Variants in DST observed in about 807,000 individuals in gnomAD.
The protein encoded by DST is bullous pemphigoid antigen.
A neutral mutation model predicts 875.2 loss-of-function variants in DST; 253 were observed. That is an observed-to-expected ratio of 0.29 (90% CI 0.26 to 0.32). The LOEUF (loss-of-function observed/expected upper bound fraction) is 0.32. Ranked by LOEUF, DST falls within the 10% of genes least tolerant of loss-of-function variation. DST has a pLI of 1.00. For synonymous variants in DST, 3,124 were observed against 3,197.1 expected, an observed-to-expected ratio of 0.98 and a Z score of 0.77; for missense variants, 8,287 against 9,111.6, an observed-to-expected ratio of 0.91 and a Z score of 3.68.
chr6:56,494,100 G>T lies in DST; in HGVS notation c.20304C>A (p.Cys6768Ter). ...CAATATTTGTCTCTGCAGATTTTGGGCATCTTGCAAGCATCTGCTGGCCTT... is the reference window on the plus strand; with the variant it reads ...CAATATTTGTCTCTGCAGATTTTGGTCATCTTGCAAGCATCTGCTGGCCTT... ...MQKGQQMLAR[C>*]PKSAETNIDQ... Residue 6768 changes from cysteine (C) to a stop codon, truncating the protein, a stop_gained, in exon 83 of 104, where the codon TGC (cysteine) becomes TGA (stop). Coordinates refer to ENST00000680361, the MANE Select transcript of DST (RefSeq NM_001374736.1). LOFTEE classifies it high-confidence loss of function. The T allele has an allele frequency of 6.2e-7, 1 of 1,610,202 alleles. No individual in the cohort carries two copies. The highest frequency in any genetic ancestry group is 1.1e-5 in the South Asian group (1 of 90,418).
At chr6:56,599,998 C>T in intron 45 of DST, 71 bp downstream of exon 45, 3 of 1,396,780 alleles carry the variant, frequency 2.1e-6, no homozygotes, top group Non-Finnish European at 2.9e-6. Flanking sequence ...CAATAATCTT[C>T]ACTGACTTCC....
chr6:56,890,685 A>C (rs1191957224), intron 3 of DST, among the ~76,000 whole-genome samples: 1 of 152,224 alleles, frequency 6.6e-6, no homozygotes, highest in African/African-American at 2.4e-5. Flanking sequence ...AGGTTAAAAC[A>C]GCTAAGGATG....
At chr6:56,464,656 G>C in intron 100 of DST, 29 bp downstream of exon 100, 1 of 1,473,866 alleles carries the variant, frequency 6.8e-7, no homozygotes, top group Non-Finnish European at 9.4e-7. Flanking sequence ...AAAGGAAAGA[G>C]GGGAGAGGCA....
At chr6:56,928,177 T>G (rs9475754) in intron 2 of DST, among the ~76,000 whole-genome samples, 2 of 150,904 alleles carry the variant, frequency 1.3e-5, no homozygotes, top group African/African-American at 2.4e-5. Flanking sequence ...AATAAATACA[T>G]AAAGCTGAGG....
At chr6:56,510,363 T>A (rs1015922725) in intron 73 of DST, among the ~76,000 whole-genome samples, 1 of 152,148 alleles carries the variant, frequency 6.6e-6, no homozygotes, top group Non-Finnish European at 1.5e-5. Context: ...TTGATTAGAT[T>A]CCAGGGAATC....
chr6:56,794,991 T>G (rs1288183227), intron 4 of DST, among the ~76,000 whole-genome samples: 1 of 152,148 alleles, frequency 6.6e-6, no homozygotes, highest in Non-Finnish European at 1.5e-5. Flanking sequence ...AATTAGCTTT[T>G]AAACATAAAT....
intron 10 of DST, among the ~76,000 whole-genome samples, chr6:56,664,233 A>T (rs553253996): frequency 6.6e-6 from 1 of 152,208 alleles, no homozygotes; most frequent in African/African-American, 2.4e-5. Flanking sequence ...GTTTGCACAC[A>T]GAGCAATGTT....
At chr6:56,694,052 TAC>T (rs1032925093) in intron 9 of DST, among the ~76,000 whole-genome samples, 2 of 149,310 alleles carry the variant, frequency 1.3e-5, no homozygotes, top group Non-Finnish European at 3.0e-5. Context: ...TATATATATA[TAC>T]ATATATATAT....
intron 45 of DST, 65 bp from the exon 46 acceptor site, chr6:56,598,774 G>T: frequency 1.0e-6 from 1 of 1,003,310 alleles, no homozygotes; most frequent in Non-Finnish European, 1.4e-6. Context: ...TTCCAGAGTT[G>T]TAATTCTAAA....
intron 5 of DST, among the ~76,000 whole-genome samples, chr6:56,721,187 G>A (rs2152911290): frequency 1.1e-5 from 1 of 92,268 alleles, no homozygotes; most frequent in South Asian, 2.4e-4. Flanking sequence ...GCCGGGCGGG[G>A]GTGCGCCCCC....
intron 9 of DST, among the ~76,000 whole-genome samples, chr6:56,699,421 G>A (rs2099281132): frequency 1.3e-5 from 2 of 152,192 alleles, no homozygotes; most frequent in South Asian, 4.1e-4. Flanking sequence ...TTCCAACTCT[G>A]AGATAACAGA....
At chr6:56,688,667 C>T (rs2099204881) in intron 9 of DST, among the ~76,000 whole-genome samples, 1 of 152,202 alleles carries the variant, frequency 6.6e-6, no homozygotes, top group Admixed American at 6.5e-5. Context: ...AGAGTCACCA[C>T]ATGGTTTGCT....
chr6:56,718,136 T>C (rs1485750995), intron 5 of DST, among the ~76,000 whole-genome samples: 1 of 152,078 alleles, frequency 6.6e-6, no homozygotes. Context: ...TCCAGCTACT[T>C]GGGAGGCTAT....
rs184919378 is a variant in DST, at chr6:56,685,237, T to G, written c.1047+14416A>C. 2.6e-5 allele frequency among the ~76,000 whole-genome samples: 4 copies of G among 152,246 alleles called. No homozygotes were observed. In the East Asian group the frequency reaches 7.7e-4, roughly 29 times the overall value. On this transcript the variant is annotated intron_variant, in intron 9 of 103. Coordinates refer to ENST00000680361, the MANE Select transcript of DST (RefSeq NM_001374736.1). ...TAACCTGGAATAAATATTTGCAGAC[T>G]ATGCATCTGAAAAAGAACTAATACC...
intron 4 of DST, among the ~76,000 whole-genome samples, chr6:56,779,324 T>C (rs1238845022): frequency 1.3e-5 from 2 of 152,008 alleles, no homozygotes; most frequent in Non-Finnish European, 2.9e-5. Flanking sequence ...ATTTCTCCCA[T>C]TCTGTAGGTT....
intron 36 of DST, chr6:56,617,520 A>G: frequency 1.7e-6 from 2 of 1,142,986 alleles, no homozygotes; most frequent in African/African-American, 1.5e-5. Context: ...CAAAGACAAG[A>G]TTAGTGAAAA....
chr6:56,899,500 C>T (rs921591563), intron 3 of DST, among the ~76,000 whole-genome samples: 3 of 152,184 alleles, frequency 2.0e-5, no homozygotes, highest in African/African-American at 7.2e-5. Context: ...GTTACCCCCA[C>T]AGAAGGGCAG....
chr6:56,819,534 C>T (rs182965055), intron 4 of DST, among the ~76,000 whole-genome samples: 166 of 152,248 alleles, frequency 1.1e-3, no homozygotes, highest in African/African-American at 3.8e-3. Context: ...CCTCTTCATC[C>T]TTGTTTGAAC....
chr6:56,471,991 C>A, intron 94 of DST, 68 bp downstream of exon 94: 1 of 1,505,178 alleles, frequency 6.6e-7, no homozygotes, highest in Admixed American at 1.7e-5. Context: ...AAGATTTTGG[C>A]AATGGCAATG....
Sources: allele counts gnomAD v4.1 joint callset (sites outside exome capture counted in the v4.1 genomes callset), GRCh38; gene constraint gnomAD v4.1.1; transcripts MANE v1.5; gene names NCBI Gene and HGNC (gene_info 2026-07-23, HGNC 2026-07-21).